Variants in AFG2A observed in about 807,000 individuals in gnomAD.
AFG2A encodes AAA ATPase AFG2A, also known as ATPase family gene 2 protein homolog A.
chr4:123,288,913 T>C, the AFG2A span, among the ~76,000 whole-genome samples: 1 of 152,208 alleles, frequency 6.6e-6, no homozygotes, highest in Admixed American at 6.5e-5. Flanking sequence ...TAATCAGGCC[T>C]CATTGGTCCC....
the AFG2A span, among the ~76,000 whole-genome samples, chr4:123,181,758 G>A: frequency 6.6e-6 from 1 of 152,158 alleles, no homozygotes; most frequent in Non-Finnish European, 1.5e-5. Context: ...GTGCTTTGGG[G>A]TAGTTTGTAT....
chr4:122,949,550 C>T, the AFG2A span, among the ~76,000 whole-genome samples: 1 of 152,140 alleles, frequency 6.6e-6, no homozygotes, highest in South Asian at 2.1e-4. Flanking sequence ...ACCATCTGCA[C>T]CCAGTCAGCA....
the AFG2A span, among the ~76,000 whole-genome samples, chr4:123,303,087 C>A: frequency 1.3e-5 from 2 of 152,122 alleles, no homozygotes; most frequent in Admixed American, 1.3e-4. Context: ...ATTCCCTTAC[C>A]AACTGGTATG....
At chr4:122,974,423 AT>A in the AFG2A span, among the ~76,000 whole-genome samples, 2,293 of 152,276 alleles carry the variant, frequency 0.015, 24 homozygotes, top group Non-Finnish European at 0.025. Flanking sequence ...TATGTTAGAT[AT>A]TTTAGGAACA....
chr4:123,083,618 G>T, the AFG2A span, among the ~76,000 whole-genome samples: 1 of 150,474 alleles, frequency 6.6e-6, no homozygotes, highest in Non-Finnish European at 1.5e-5. Flanking sequence ...GCACAAGCTG[G>T]AGTGTAGTGG....
At chr4:123,017,435 TTTTTTTTTTTTTTG>T in the AFG2A span, among the ~76,000 whole-genome samples, 6 of 136,740 alleles carry the variant, frequency 4.4e-5, no homozygotes, top group Non-Finnish European at 7.7e-5. Flanking sequence ...TTTTTTTTTT[TTTTTTTTTTTTTTG>T]CTTTTCACTA....
At chr4:123,107,627 C>T in the AFG2A span, among the ~76,000 whole-genome samples, 69,053 of 152,098 alleles carry the variant, frequency 0.45, 19,208 homozygotes, top group Non-Finnish European at 0.61. Context: ...CAGGGACCCA[C>T]CCCTTTGCAC....
the AFG2A span, among the ~76,000 whole-genome samples, chr4:123,292,103 T>C: frequency 6.6e-6 from 1 of 152,220 alleles, no homozygotes; most frequent in East Asian, 1.9e-4. Flanking sequence ...ATTTGGTTGA[T>C]TCAAAAGCAT....
the AFG2A span, among the ~76,000 whole-genome samples, chr4:123,007,586 GTGTGTGTGTGTGTGTGTGTGTGTA>G: frequency 0.24 from 2,456 of 10,088 alleles, 55 homozygotes; most frequent in Admixed American, 0.28. Context: ...GTGTGTGTGT[GTGTGTGTGTGTGTGTGTGTGTGTA>G]TATATATATA....
chr4:123,239,252 C>T, the AFG2A span, among the ~76,000 whole-genome samples: 91 of 152,272 alleles, frequency 6.0e-4, no homozygotes, highest in African/African-American at 1.9e-3. Flanking sequence ...AGTTAGAAAA[C>T]ACTCTTCAGG....
At chr4:123,162,316 A>G in the AFG2A span, among the ~76,000 whole-genome samples, 2 of 152,230 alleles carry the variant, frequency 1.3e-5, no homozygotes, top group Non-Finnish European at 1.5e-5. Context: ...AGTTAACTCC[A>G]TATAACAGAA....
chr4:123,224,353 C>T, the AFG2A span, among the ~76,000 whole-genome samples: 4 of 151,980 alleles, frequency 2.6e-5, no homozygotes, highest in Non-Finnish European at 5.9e-5. Flanking sequence ...AATGCTATCC[C>T]TCCACCCTCC....
At chr4:122,942,684 A>G in the AFG2A span, among the ~76,000 whole-genome samples, 1,827 of 151,758 alleles carry the variant, frequency 0.012, 41 homozygotes, top group African/African-American at 0.041. Flanking sequence ...TAGCTTTTGA[A>G]TGTGTTTGCT....
At chr4:123,238,119 G>T in the AFG2A span, among the ~76,000 whole-genome samples, 1,307 of 152,318 alleles carry the variant, frequency 8.6e-3, 24 homozygotes, top group African/African-American at 0.03. Context: ...CAGCCTGGCA[G>T]GGGGAGGGGC....
At chr4:123,232,028 C>T in the AFG2A span, among the ~76,000 whole-genome samples, 1 of 151,834 alleles carries the variant, frequency 6.6e-6, no homozygotes. Context: ...TGCAAAATTA[C>T]CAAAATGTGA....
the AFG2A span, chr4:123,057,365 C>T: frequency 7.0e-7 from 1 of 1,430,166 alleles, no homozygotes; most frequent in South Asian, 1.2e-5. Context: ...GTATAAATAG[C>T]ATTTTGTATA....
chr4:122,993,506 A>G, the AFG2A span, among the ~76,000 whole-genome samples: 2 of 152,062 alleles, frequency 1.3e-5, no homozygotes, highest in African/African-American at 4.8e-5. Flanking sequence ...TTTCCATACC[A>G]TTGTTATAAA....
At chr4:123,178,465 T>C in the AFG2A span, among the ~76,000 whole-genome samples, 1 of 152,238 alleles carries the variant, frequency 6.6e-6, no homozygotes, top group Non-Finnish European at 1.5e-5. Flanking sequence ...ACAACACCTC[T>C]AATTAATGAA....
At chr4:123,179,148 C>G in the AFG2A span, among the ~76,000 whole-genome samples, 2 of 152,150 alleles carry the variant, frequency 1.3e-5, no homozygotes, top group Middle Eastern at 3.2e-3. Flanking sequence ...GAACTATTTT[C>G]AAGCTAGTGT....
Sources: gnomAD v4.1 joint callset for allele counts (sites outside exome capture counted in the v4.1 genomes callset) on GRCh38, gnomAD v4.1.1 for gene constraint, MANE v1.5 for transcripts, NCBI Gene and HGNC (gene_info 2026-07-23, HGNC 2026-07-21) for gene names.